The following SHMT1 variants were observed in gnomAD, a reference collection of about 807,000 sequenced individuals.
SHMT1 encodes serine hydroxymethyltransferase, cytosolic.
Under a neutral mutation model 49.0 loss-of-function variants are expected in SHMT1, and 45 were observed. That is an observed-to-expected ratio of 0.92 (90% CI 0.72 to 1.18). SHMT1 has a LOEUF of 1.18. Ranked by LOEUF, SHMT1 falls within the 50% of genes most tolerant of loss-of-function variation. The pLI is 0.00. For synonymous variants in SHMT1, 232 were observed against 246.6 expected (o/e 0.94, Z 0.55); for missense variants, 541 against 612.4 (o/e 0.88, Z 1.23).
intron 1 of SHMT1, among the ~76,000 whole-genome samples, chr17:18,356,898 C>T (rs887609564): frequency 6.6e-6 from 1 of 152,116 alleles, no homozygotes; most frequent in African/African-American, 2.4e-5. Flanking sequence ...TATAGCTTAT[C>T]TCCCACAACT....
At chr17:18,362,533 A>G (rs1411980186) in intron 1 of SHMT1, among the ~76,000 whole-genome samples, 1 of 152,192 alleles carries the variant, frequency 6.6e-6, no homozygotes, top group East Asian at 1.9e-4. Flanking sequence ...CATGTTGGCC[A>G]GGCTGGTCTC....
chr17:18,342,661 C>T (rs1425063802), intron 5 of SHMT1, among the ~76,000 whole-genome samples: 4 of 150,560 alleles, frequency 2.7e-5, no homozygotes, highest in Admixed American at 6.6e-5. Flanking sequence ...AACTGCTGGG[C>T]GTGGTGGCTT....
chr17:18,361,254 G>A (rs1383938621), intron 1 of SHMT1, among the ~76,000 whole-genome samples: 11 of 145,968 alleles, frequency 7.5e-5, no homozygotes, highest in African/African-American at 2.3e-4. Flanking sequence ...AGCTGAGATC[G>A]TGCCACCGCA....
chr17:18,336,576 G>A (rs1296241635), intron 7 of SHMT1, among the ~76,000 whole-genome samples: 1 of 152,004 alleles, frequency 6.6e-6, no homozygotes, highest in Non-Finnish European at 1.5e-5. Flanking sequence ...TGAAGCAGGA[G>A]AATGCGTTGA....
intron 1 of SHMT1, among the ~76,000 whole-genome samples, chr17:18,356,775 G>C (rs991754377): frequency 2.0e-5 from 3 of 152,000 alleles, no homozygotes; most frequent in Admixed American, 6.6e-5. Context: ...GGAACTTCTG[G>C]TTCCTTTCCA....
chr17:18,351,059 T>C (rs1985641736), intron 3 of SHMT1, among the ~76,000 whole-genome samples: 2 of 152,060 alleles, frequency 1.3e-5, no homozygotes, highest in South Asian at 4.1e-4. Context: ...TGCCTTTGAT[T>C]TTAAATAATG....
chr17:18,340,705 A>G lies in SHMT1; in HGVS notation c.601+27T>C. 1 of 1,595,314 alleles carries G rather than the reference A, an allele frequency of 6.3e-7. No individual in the cohort carries two copies. Among genetic ancestry groups the G allele is most frequent in the East Asian group, 2.3e-5 (1 of 44,150 alleles). On this transcript the variant is annotated intron_variant, in intron 6 of 11. Coordinates refer to ENST00000316694, the MANE Select transcript of SHMT1 (RefSeq NM_004169.5). The surrounding 1 kb of genome is among the most constrained non-coding windows in gnomAD (Gnocchi z 4.5). ...AAGAGGCACCAGGCTACTGGTGAAC[A>G]AGGTGACTTTCCGCCCCGCGCATCA... is the stretch of plus-strand genomic sequence containing the variant.
chr17:18,346,930 C>T (rs147840729), intron 5 of SHMT1, among the ~76,000 whole-genome samples: 23 of 152,282 alleles, frequency 1.5e-4, no homozygotes, highest in East Asian at 9.6e-4. Flanking sequence ...TAAAGTTGAA[C>T]GCCCTAAGTC....
In SHMT1 at chr17:18,347,644, T is replaced by C; in HGVS notation, c.371A>G (p.Asn124Ser). The change falls in exon 5 of 12, where the codon AAC becomes AGC. Residue 124 changes from asparagine to serine, a missense_variant. Transcript: ENST00000316694. The part of the protein sequence containing the change: ...NVQPYSGSPA[N>S]FAVYTALVEP... ...CACCAGGGCAGTGTACACAGCAAAG[T>C]TTGCAGGGGAGCCTGAAACGAGTGG... 6.2e-7 allele frequency: 1 copy of C among 1,614,050 alleles called. No individual in the cohort carries two copies. The highest frequency in any genetic ancestry group is 8.5e-7 in the Non-Finnish European group (1 of 1,180,002).
chr17:18,335,152 G>A (rs957200673), intron 8 of SHMT1, among the ~76,000 whole-genome samples: 1 of 152,224 alleles, frequency 6.6e-6, no homozygotes, highest in Non-Finnish European at 1.5e-5. Context: ...GCGTGGCACT[G>A]GTGCAGGGTG....
chr17:18,349,552 T>C (rs1985459070), intron 3 of SHMT1, among the ~76,000 whole-genome samples: 3 of 151,788 alleles, frequency 2.0e-5, no homozygotes, highest in Admixed American at 1.3e-4. Context: ...ATCTCAGCTC[T>C]ACAAAAAATT....
chr17:18,347,679 G>T, intron 4 of SHMT1, 23 bp from the exon 5 acceptor site: 1 of 1,613,964 alleles, frequency 6.2e-7, no homozygotes, highest in Non-Finnish European at 8.5e-7. Flanking sequence ...GACCAGAGGA[G>T]ACATGATTAT....
intron 1 of SHMT1, among the ~76,000 whole-genome samples, chr17:18,361,232 G>C (rs768031752): frequency 6.7e-6 from 1 of 149,132 alleles, no homozygotes; most frequent in Non-Finnish European, 1.5e-5. Context: ...TTGAACCCAG[G>C]AGGTTGCAGT....
intron 3 of SHMT1, among the ~76,000 whole-genome samples, chr17:18,349,962 G>T (rs943564250): frequency 1.3e-5 from 2 of 151,878 alleles, no homozygotes; most frequent in Non-Finnish European, 2.9e-5. Flanking sequence ...GGAGGTTGCG[G>T]TGAGCCGAGA....
chr17:18,356,334 GCCCCA>G (rs1598066174), intron 1 of SHMT1, among the ~76,000 whole-genome samples: 1 of 151,540 alleles, frequency 6.6e-6, no homozygotes, highest in Admixed American at 6.6e-5. Flanking sequence ...CAGCCACCGC[GCCCCA>G]CCTATTTATT....
chr17:18,339,792 C>T (rs570095120), intron 7 of SHMT1, among the ~76,000 whole-genome samples: 1 of 152,298 alleles, frequency 6.6e-6, no homozygotes, highest in African/African-American at 2.4e-5. Flanking sequence ...GATCTCCTGA[C>T]CTCGTGATCT....
At chr17:18,357,864 C>CTT (rs1165307729) in intron 1 of SHMT1, among the ~76,000 whole-genome samples, 3,475 of 121,376 alleles carry the variant, frequency 0.029, 132 homozygotes, top group Non-Finnish European at 0.046. Flanking sequence ...AGCTAGGACT[C>CTT]TTTTTTTTTT....
chr17:18,341,299 T>C (rs11868708), intron 5 of SHMT1: 41,946 of 188,942 alleles, frequency 0.22, 4,973 homozygotes, highest in East Asian at 0.3. Flanking sequence ...AGGGGCCAAC[T>C]GTTAGAATAA....
intron 7 of SHMT1, among the ~76,000 whole-genome samples, chr17:18,339,050 A>T (rs1008810577): frequency 0.079 from 428 of 5,426 alleles, 3 homozygotes; most frequent in Non-Finnish European, 0.13. Context: ...AATAAATACT[A>T]AAAAAAAAAA....
Sources: gnomAD v4.1 joint callset for allele counts (sites outside exome capture counted in the v4.1 genomes callset) on GRCh38, gnomAD v4.1.1 for gene constraint, Gnocchi (gnomAD v3.1) non-coding constraint, MANE v1.5 for transcripts, NCBI Gene and HGNC (gene_info 2026-07-23, HGNC 2026-07-21) for gene names.